The following SYNDIG1 variants were observed in gnomAD, a reference collection of about 807,000 sequenced individuals.
SYNDIG1 encodes the protein synapse differentiation-inducing gene protein 1.
SYNDIG1 carries 9 observed loss-of-function variants against 19.4 expected under a neutral mutation model. The observed-to-expected ratio is 0.46, with a 90% CI of 0.28 to 0.81. The LOEUF is 0.81. Among genes scored for constraint, SYNDIG1 ranks in the 30% least tolerant of loss-of-function variants. The pLI is 0.12. For synonymous variants in SYNDIG1, 141 were observed against 145.9 expected, an observed-to-expected ratio of 0.97 and a Z score of 0.24; for missense variants, 311 against 343.3, an observed-to-expected ratio of 0.91 and a Z score of 0.74.
rs74600865 is a variant in SYNDIG1, at chr20:24,582,746, G to A, written c.481-2110G>A. 6.6e-5 allele frequency among the ~76,000 whole-genome samples: 10 copies of A among 152,278 alleles called. No homozygotes were observed. In the East Asian group the frequency reaches 1.5e-3, roughly 24 times the overall value. ...TCCTTACTGTTTGGAGACCATATGG[G>A]GGCCAATGTGCAGAATAAAGAGAAG... On this transcript the variant is annotated intron_variant, in intron 2 of 3. Coordinates refer to ENST00000376862, the MANE Select transcript of SYNDIG1 (RefSeq NM_024893.3).
chr20:24,644,088 A>G (rs2059403090), intron 3 of SYNDIG1, among the ~76,000 whole-genome samples: 1 of 152,244 alleles, frequency 6.6e-6, no homozygotes, highest in Admixed American at 6.5e-5. Flanking sequence ...CTTTATTCCC[A>G]GGGAACTTGG....
At chr20:24,611,137 C>T (rs1046942192) in intron 3 of SYNDIG1, among the ~76,000 whole-genome samples, 1 of 152,132 alleles carries the variant, frequency 6.6e-6, no homozygotes, top group Non-Finnish European at 1.5e-5. Flanking sequence ...AAACCACGGC[C>T]CACGGCTCCC....
At chr20:24,515,383 A>G (rs966140636) in intron 1 of SYNDIG1, among the ~76,000 whole-genome samples, 7 of 152,250 alleles carry the variant, frequency 4.6e-5, no homozygotes, top group Admixed American at 2.0e-4. Context: ...AATTAGGAAA[A>G]GAGGAAGTCA....
intron 2 of SYNDIG1, among the ~76,000 whole-genome samples, chr20:24,558,148 G>C (rs1054109308): frequency 1.3e-5 from 2 of 152,194 alleles, no homozygotes; most frequent in East Asian, 1.9e-4. Context: ...GTGAGTTTCG[G>C]TTCTTCACTA....
At chr20:24,650,162 G>A (rs1041208226) in intron 3 of SYNDIG1, among the ~76,000 whole-genome samples, 22 of 152,202 alleles carry the variant, frequency 1.4e-4, no homozygotes, top group African/African-American at 5.3e-4. Flanking sequence ...TGCGTCTGTT[G>A]CTTACACTTT....
At chr20:24,582,686 TC>T (rs1568660514) in intron 2 of SYNDIG1, among the ~76,000 whole-genome samples, 1 of 152,084 alleles carries the variant, frequency 6.6e-6, no homozygotes, top group South Asian at 2.1e-4. Context: ...CCACTTTTTT[TC>T]CCCCTTAGCC....
At position 24,665,469 on chromosome 20, in the gene SYNDIG1, C is replaced by T. The variant is rs774046450; in HGVS notation, c.742C>T (p.Leu248Phe). Residue 248 changes from leucine to phenylalanine, a missense_variant, in exon 4 of 4, where the codon CTC (leucine) becomes TTC (phenylalanine). Physicochemically the swap from Leu to Phe is conservative, Grantham distance 22 (BLOSUM62 0). Coordinates refer to ENST00000376862, the MANE Select transcript of SYNDIG1 (RefSeq NM_024893.3). ...TGVYVGVAVA[L>F]IAYLSKNNHL is the part of the protein sequence containing the mutation. ...CGTCTATGTGGGCGTGGCCGTGGCCCTCATCGCCTACCTCTCCAAGAACAA... is the reference window on the plus strand; with the variant it reads ...CGTCTATGTGGGCGTGGCCGTGGCCTTCATCGCCTACCTCTCCAAGAACAA... The T allele has an allele frequency of 6.2e-7, 1 of 1,614,070 alleles. No homozygotes were observed. The highest frequency in any genetic ancestry group is 8.5e-7 in the Non-Finnish European group (1 of 1,180,012).
intron 3 of SYNDIG1, among the ~76,000 whole-genome samples, chr20:24,629,232 G>A (rs550772077): frequency 3.9e-4 from 60 of 152,254 alleles, no homozygotes; most frequent in East Asian, 3.5e-3. Context: ...TGGACATGTC[G>A]GCTCCCCGCT....
chr20:24,490,288 T>G (rs753894676), intron 1 of SYNDIG1, among the ~76,000 whole-genome samples: 14 of 152,306 alleles, frequency 9.2e-5, no homozygotes, highest in Middle Eastern at 3.4e-3. Flanking sequence ...GCTTCTTGAT[T>G]TTTATTTATA....
intron 1 of SYNDIG1, among the ~76,000 whole-genome samples, chr20:24,492,053 A>G (rs115787805): frequency 0.031 from 4,684 of 152,286 alleles, 213 homozygotes; most frequent in African/African-American, 0.11. Context: ...AGAGGACCCC[A>G]CTAACAGGTG....
intron 1 of SYNDIG1, among the ~76,000 whole-genome samples, chr20:24,478,280 T>C (rs909764770): frequency 2.6e-5 from 4 of 152,100 alleles, no homozygotes; most frequent in African/African-American, 9.7e-5. Context: ...GGGACCAGAG[T>C]GGCAGCGCCA....
At chr20:24,629,187 G>A (rs1187844829) in intron 3 of SYNDIG1, among the ~76,000 whole-genome samples, 1 of 152,212 alleles carries the variant, frequency 6.6e-6, no homozygotes, top group Non-Finnish European at 1.5e-5. Flanking sequence ...GCCAAGGGCA[G>A]GCCCAGGAGC....
At chr20:24,574,435 G>T (rs984989318) in intron 2 of SYNDIG1, among the ~76,000 whole-genome samples, 1 of 152,072 alleles carries the variant, frequency 6.6e-6, no homozygotes, top group East Asian at 1.9e-4. Context: ...GTTGCAGTGA[G>T]CCGAGATTGT....
intron 1 of SYNDIG1, among the ~76,000 whole-genome samples, chr20:24,538,690 G>GTTT (rs1391612044): frequency 2.2e-4 from 33 of 152,044 alleles, no homozygotes; most frequent in African/African-American, 7.9e-4. Context: ...GTTTTCCAAA[G>GTTT]CGACTGCACT....
intron 1 of SYNDIG1, among the ~76,000 whole-genome samples, chr20:24,526,676 G>A (rs931799170): frequency 9.9e-5 from 15 of 152,078 alleles, no homozygotes; most frequent in Admixed American, 7.2e-4. Flanking sequence ...TGTATCTCAG[G>A]TCATCACCCA....
chr20:24,533,919 AG>A (rs2057311512), intron 1 of SYNDIG1, among the ~76,000 whole-genome samples: 1 of 152,198 alleles, frequency 6.6e-6, no homozygotes, highest in Non-Finnish European at 1.5e-5. Context: ...TTATTTTTAA[AG>A]GAAGTTTGTT....
At chr20:24,665,303 G>A (rs2892217) in intron 3 of SYNDIG1, 43 bp from the exon 4 acceptor site, 715,564 of 1,566,876 alleles carry the variant, frequency 0.46, 176,455 homozygotes, top group African/African-American at 0.9. Context: ...TGCTTGTTCC[G>A]ACTTGCTTAC....
At chr20:24,628,215 G>A (rs2059187652) in intron 3 of SYNDIG1, among the ~76,000 whole-genome samples, 2 of 152,300 alleles carry the variant, frequency 1.3e-5, no homozygotes, top group South Asian at 2.1e-4. Context: ...GAAGCAGGTC[G>A]AAAGCTTTCT....
At chr20:24,615,430 C>T (rs1005427888) in intron 3 of SYNDIG1, among the ~76,000 whole-genome samples, 3 of 152,236 alleles carry the variant, frequency 2.0e-5, no homozygotes, top group African/African-American at 7.2e-5. Flanking sequence ...CCATCCAGAA[C>T]CAAGCTCCTG....
Sources: allele counts gnomAD v4.1 joint callset (sites outside exome capture counted in the v4.1 genomes callset), GRCh38; gene constraint gnomAD v4.1.1; transcripts MANE v1.5; gene names NCBI Gene and HGNC (gene_info 2026-07-23, HGNC 2026-07-21).